GPM6A: variants seen among roughly 807,000 people sequenced by gnomAD.
The protein encoded by GPM6A is glycoprotein M6A.
In GPM6A, 7 loss-of-function variants were observed where a neutral mutation model predicts 32.1. The observed-to-expected ratio is 0.22, with a 90% CI of 0.12 to 0.41. GPM6A has a LOEUF of 0.41. Ranked by LOEUF, GPM6A falls within the 10% of genes least tolerant of loss-of-function variation. The probability of loss-of-function intolerance (pLI) is 1.00; values close to 1 mark genes in which losing one functional copy is unlikely to be tolerated. For missense variants in GPM6A, 235 were observed against 347.2 expected, an observed-to-expected ratio of 0.68 and a Z score of 2.57; for synonymous variants, 130 against 123.4, an observed-to-expected ratio of 1.05 and a Z score of -0.35.
intron 1 of GPM6A, among the ~76,000 whole-genome samples, chr4:175,893,733 A>C (rs189282821): frequency 1.3e-5 from 2 of 152,340 alleles, no homozygotes; most frequent in African/African-American, 4.8e-5. Flanking sequence ...TCAGATTTGC[A>C]TAATCTAGTT....
At chr4:175,968,943 TTAGAC>T (rs1255216350) in intron 1 of GPM6A, among the ~76,000 whole-genome samples, 2 of 152,190 alleles carry the variant, frequency 1.3e-5, no homozygotes, top group East Asian at 1.9e-4. Context: ...ATTAAAAACT[TTAGAC>T]TACACAAAAT....
intron 1 of GPM6A, among the ~76,000 whole-genome samples, chr4:175,924,324 G>A (rs1738762063): frequency 6.6e-6 from 1 of 152,162 alleles, no homozygotes. Context: ...TCTAGGAACA[G>A]ACCAAAGTGG....
chr4:175,869,525 G>A (rs146901935), intron 1 of GPM6A, among the ~76,000 whole-genome samples: 4,691 of 152,136 alleles, frequency 0.031, 219 homozygotes, highest in African/African-American at 0.11. Flanking sequence ...TTGGGAGGCC[G>A]AGGAGGGCAG....
rs1256293007 is a variant in GPM6A at position 175,820,880 on chromosome 4, A to G, written c.-22-8631T>C. 2.6e-5 allele frequency among the ~76,000 whole-genome samples: 4 copies of G among 152,158 alleles called. No individual in the cohort carries two copies. The South Asian group carries it at 8.3e-4, about 32-fold the overall frequency. ...AACTTCTTCCTCAATCTTTTAATGT[A>G]TATGCGGATCTGTTGATAAACATTT... On this transcript the variant is annotated intron_variant, in intron 1 of 7. Transcript: ENST00000280187.
chr4:175,940,122 A>C (rs1739358884), intron 1 of GPM6A, among the ~76,000 whole-genome samples: 1 of 152,204 alleles, frequency 6.6e-6, no homozygotes, highest in African/African-American at 2.4e-5. Context: ...GTAGACTAGC[A>C]ATAATAAAAT....
At chr4:175,900,403 T>C (rs949440762) in intron 1 of GPM6A, among the ~76,000 whole-genome samples, 9 of 147,206 alleles carry the variant, frequency 6.1e-5, no homozygotes, top group African/African-American at 1.0e-4. Flanking sequence ...AGCCAGAATA[T>C]ATAAGAAGCT....
intron 3 of GPM6A, among the ~76,000 whole-genome samples, chr4:175,663,694 A>ATTT (rs34558330): frequency 3.5e-5 from 5 of 141,388 alleles, no homozygotes; most frequent in African/African-American, 1.3e-4. Context: ...TAAAATGTAA[A>ATTT]TTTTTTTTTT....
chr4:175,655,099 C>T (rs1456790276), intron 3 of GPM6A, among the ~76,000 whole-genome samples: 3 of 152,134 alleles, frequency 2.0e-5, no homozygotes, highest in Non-Finnish European at 4.4e-5. Flanking sequence ...AACCACAGGA[C>T]TGCCTTACAT....
chr4:175,732,577 C>G (rs1731479429), intron 1 of GPM6A, among the ~76,000 whole-genome samples: 1 of 152,110 alleles, frequency 6.6e-6, no homozygotes, highest in East Asian at 1.9e-4. Flanking sequence ...TTATATTAAA[C>G]CAGGTAACAA....
At chr4:175,838,193 A>C (rs549178235) in intron 1 of GPM6A, among the ~76,000 whole-genome samples, 2 of 151,276 alleles carry the variant, frequency 1.3e-5, no homozygotes, top group Non-Finnish European at 2.9e-5. Flanking sequence ...TTTTCCAAGA[A>C]AAGGGATTGA....
At chr4:175,789,385 C>T (rs1356045840) in intron 1 of GPM6A, among the ~76,000 whole-genome samples, 1 of 152,146 alleles carries the variant, frequency 6.6e-6, no homozygotes, top group East Asian at 1.9e-4. Context: ...CTTCATTGAT[C>T]TCACATGTTG....
At chr4:175,929,567 G>A (rs983362820) in intron 1 of GPM6A, among the ~76,000 whole-genome samples, 18 of 152,116 alleles carry the variant, frequency 1.2e-4, no homozygotes, top group African/African-American at 4.1e-4. Context: ...GACTTGCCAG[G>A]TGTAATATTA....
chr4:175,872,905 C>T (rs1218979526), intron 1 of GPM6A, among the ~76,000 whole-genome samples: 1 of 152,104 alleles, frequency 6.6e-6, no homozygotes, highest in Non-Finnish European at 1.5e-5. Context: ...AAACTATACT[C>T]TCTGGGTTTA....
At chr4:175,734,796 C>T (rs948814747) in intron 1 of GPM6A, among the ~76,000 whole-genome samples, 3 of 152,084 alleles carry the variant, frequency 2.0e-5, no homozygotes, top group Non-Finnish European at 4.4e-5. Flanking sequence ...TCGCTTGAAC[C>T]TGGGAAGTGA....
chr4:175,962,255 T>G, intron 1 of GPM6A: 3 of 1,355,484 alleles, frequency 2.2e-6, no homozygotes, highest in Non-Finnish European at 3.2e-6. Flanking sequence ...TATATGTCAT[T>G]GAAAACTCAA....
chr4:175,794,106 A>G (rs988589501), intron 1 of GPM6A, among the ~76,000 whole-genome samples: 4 of 152,228 alleles, frequency 2.6e-5, no homozygotes, highest in Non-Finnish European at 4.4e-5. Context: ...CTACATTGAC[A>G]GGCCTAAGAA....
Position 175,633,361 on chromosome 4 carries a change from C to T in GPM6A, c.*1544G>A, listed in dbSNP as rs1740407492. ...AATACTACGGAATGCATAATCATGCCACAGATATCCCTAGTAGTACCCCCT... is the reference window on the plus strand; with the variant it reads ...AATACTACGGAATGCATAATCATGCTACAGATATCCCTAGTAGTACCCCCT... On this transcript the variant is annotated 3_prime_UTR_variant, in exon 7 of 7. Transcript: ENST00000393658. 6.6e-6 allele frequency: 1 copy of T among 152,340 alleles called. No individual in the cohort carries two copies. The highest frequency in any genetic ancestry group is 1.5e-5 in the Non-Finnish European group (1 of 67,910). The allele number at this position is 152,340 out of a possible 1,614,324, so 9.4% of individuals were successfully genotyped here. A position where few individuals can be genotyped will look rare whatever the true frequency, so the allele number is the denominator to read the frequency against.
chr4:175,936,306 C>CAAAAAAAAAAAAAA (rs35653197), intron 1 of GPM6A, among the ~76,000 whole-genome samples: 4 of 45,600 alleles, frequency 8.8e-5, no homozygotes, highest in Admixed American at 8.1e-4. Flanking sequence ...ACTCTGTCTC[C>CAAAAAAAAAAAAAA]AAAAAAAAAA....
At chr4:175,886,096 C>A (rs11947275) in intron 1 of GPM6A, among the ~76,000 whole-genome samples, 5,206 of 152,026 alleles carry the variant, frequency 0.034, 261 homozygotes, top group African/African-American at 0.12. Context: ...TGAGTGAAGG[C>A]AATATCAAAA....
Sources: gnomAD v4.1 joint callset for allele counts (sites outside exome capture counted in the v4.1 genomes callset) on GRCh38, gnomAD v4.1.1 for gene constraint, MANE v1.5 for transcripts, NCBI Gene and HGNC (gene_info 2026-07-23, HGNC 2026-07-21) for gene names.